NCOR2: variants seen among roughly 807,000 people sequenced by gnomAD.
The protein encoded by NCOR2 is CTG repeat protein 26.
In NCOR2, 81 loss-of-function variants were observed where a neutral mutation model predicts 262.9. That is an observed-to-expected ratio of 0.31 (90% CI 0.26 to 0.37). The LOEUF (loss-of-function observed/expected upper bound fraction) is 0.37. NCOR2 is among the 10% of genes least tolerant of loss of function. NCOR2 has a pLI of 1.00. For missense variants in NCOR2, 3,385 were observed against 3,621.4 expected, an observed-to-expected ratio of 0.93 and a Z score of 1.68; for synonymous variants, 1,659 against 1,559.3, an observed-to-expected ratio of 1.06 and a Z score of -1.51.
intron 2 of NCOR2, 185 bp downstream of exon 4, chr12:124,486,256 C>T: frequency 3.5e-6 from 3 of 869,100 alleles, no homozygotes; most frequent in Non-Finnish European, 5.0e-6. Flanking sequence ...GGCCACGTGG[C>T]TCTTCCCTGC....
chr12:124,493,092 C>T (rs2048180861), intron 1 of NCOR2, among the ~76,000 whole-genome samples: 1 of 152,246 alleles, frequency 6.6e-6, no homozygotes, highest in Admixed American at 6.5e-5. Flanking sequence ...TGGCCCTGTC[C>T]ACCCACATCC....
rs1054931721 is a variant in NCOR2, at chr12:124,443,377, G to A, written c.816-5381C>T. ...CCACCCAGAGACATCCACGTACCAC[G>A]CAAGAGGACACGTCAAGTCTGCAAA... is the stretch of plus-strand genomic sequence containing the variant. On this transcript the variant is annotated intron_variant, in intron 7 of 46. Coordinates refer to ENST00000405201, the Ensembl canonical transcript of NCOR2. The surrounding 1 kb of genome is among the most constrained non-coding windows in gnomAD (Gnocchi z 4.4). 6.6e-6 allele frequency among the ~76,000 whole-genome samples: 1 copy of A among 152,218 alleles called. No individual in the cohort carries two copies. Among genetic ancestry groups the A allele is most frequent in the African/African-American group, 2.4e-5 (1 of 41,454 alleles).
At chr12:124,441,335 G>A (rs1290281173) in intron 7 of NCOR2, among the ~76,000 whole-genome samples, 1 of 152,206 alleles carries the variant, frequency 6.6e-6, no homozygotes, top group East Asian at 1.9e-4. Flanking sequence ...CTGGAACAAT[G>A]TGAGTGACAA....
chr12:124,396,249 C>T (rs771280137), intron 16 of NCOR2, among the ~76,000 whole-genome samples: 4 of 152,160 alleles, frequency 2.6e-5, no homozygotes, highest in Non-Finnish European at 5.9e-5. Context: ...AGTTCTGGAA[C>T]TAGGCAGTGG....
chr12:124,397,099 G>T (rs1442474674), intron 16 of NCOR2, among the ~76,000 whole-genome samples: 2 of 152,192 alleles, frequency 1.3e-5, no homozygotes, highest in Non-Finnish European at 1.5e-5. Context: ...CCCACAAACA[G>T]GGACATGGGC....
rs78404451 is a variant in NCOR2 at position 124,519,037 on chromosome 12, G to C, written c.-118+16528C>G. Among the ~76,000 whole-genome samples the C allele has an allele frequency of 0.013, 1,952 of 149,562 alleles. 132 individuals carry two copies. In the East Asian group the frequency reaches 0.19, roughly 15 times the overall value. Reference sequence around the variant, plus strand: ...CGTGACCCCCTCACACTGGCATTCTGATCTGGGGTCATCTCGGTGACAGGC... The same window carrying C: ...CGTGACCCCCTCACACTGGCATTCTCATCTGGGGTCATCTCGGTGACAGGC... On this transcript the variant is annotated intron_variant, in intron 1 of 46. Transcript: ENST00000404621.
intron 27 of NCOR2, among the ~76,000 whole-genome samples, chr12:124,351,496 A>C (rs568507223): frequency 6.6e-6 from 1 of 152,222 alleles, no homozygotes; most frequent in East Asian, 1.9e-4. Context: ...GACAATCGAA[A>C]ATGTCCCTAG....
intron 12 of NCOR2, among the ~76,000 whole-genome samples, chr12:124,420,555 CCGCCCCACGCCCCA>C (rs947953652): frequency 6.6e-6 from 1 of 152,162 alleles, no homozygotes; most frequent in East Asian, 1.9e-4. Flanking sequence ...TGCATCGGGA[CCGCCCCACGCCCCA>C]CGCCCCACGC....
At chr12:124,385,393 G>A (rs1053742049) in intron 17 of NCOR2, among the ~76,000 whole-genome samples, 1 of 152,318 alleles carries the variant, frequency 6.6e-6, no homozygotes, top group Non-Finnish European at 1.5e-5. Flanking sequence ...CGCGCTGACA[G>A]CCCGAATTCC....
In NCOR2 at chr12:124,346,551, C is replaced by A; in HGVS notation, c.4359+13G>T. On this transcript the variant is annotated intron_variant, in intron 31 of 46. Transcript: ENST00000405201. ...CCTAGAACTGGGCCCGTGTGCCTGG[C>A]CCTGGGCCATACCTGCGTGATGGAG... 6.6e-7 allele frequency: 1 copy of A among 1,522,524 alleles called. No individual in the cohort carries two copies. Among genetic ancestry groups the A allele is most frequent in the Non-Finnish European group, 8.8e-7 (1 of 1,139,700 alleles). The allele number at this position is 1,522,524 out of a possible 1,614,324, so 94.3% of individuals were successfully genotyped here. A position where few individuals can be genotyped will look rare whatever the true frequency, so the allele number is the denominator to read the frequency against.
exon 17 of NCOR2, chr12:124,385,847 C>T: frequency 1.2e-6 from 2 of 1,613,896 alleles, no homozygotes; most frequent in Middle Eastern, 1.7e-4. Context: ...AGCCCACCAT[C>T]CGGGCGATGG....
At chr12:124,525,991 C>T (rs567915217) in intron 1 of NCOR2, among the ~76,000 whole-genome samples, 3 of 152,204 alleles carry the variant, frequency 2.0e-5, no homozygotes, top group Non-Finnish European at 2.9e-5. Flanking sequence ...ATACTGGCAA[C>T]TCACACACAG....
At chr12:124,380,681 G>A (rs563600660) in intron 17 of NCOR2, among the ~76,000 whole-genome samples, 11 of 152,134 alleles carry the variant, frequency 7.2e-5, no homozygotes, top group Non-Finnish European at 1.5e-4. Flanking sequence ...CTGCCCGGGC[G>A]GTGGCTGGGA....
rs551875415 is a variant in NCOR2 at position 124,454,499 on chromosome 12, C to T, written c.762+2607G>A. 7.2e-5 allele frequency among the ~76,000 whole-genome samples: 11 copies of T among 152,290 alleles called. No homozygotes were observed. The highest frequency in any genetic ancestry group is 2.1e-4 in the South Asian group (1 of 4,828). ...ACCCCCATCTGCCCACAGACTCCCACGGACAGGGGCTTCCTCGCCTGTGTT... is the reference window on the plus strand; with the variant it reads ...ACCCCCATCTGCCCACAGACTCCCATGGACAGGGGCTTCCTCGCCTGTGTT... On this transcript the variant is annotated intron_variant, in intron 6 of 46. Transcript: ENST00000405201. This position sits in a 1 kb window ranked among gnomAD's most constrained non-coding sequence, Gnocchi z 5.6.
Position 124,362,121 on chromosome 12 carries a change from C to T in NCOR2, c.3100+5G>A. 5 of 1,298,416 alleles carry T rather than the reference C, an allele frequency of 3.9e-6. No homozygotes were observed. The highest frequency in any genetic ancestry group is 4.9e-6 in the Non-Finnish European group (5 of 1,023,680). The allele number at this position is 1,298,416 out of a possible 1,614,324, so 80.4% of individuals were successfully genotyped here. On this transcript the variant is annotated splice_donor_5th_base_variant and intron_variant, in intron 22 of 46. Coordinates refer to ENST00000405201, the Ensembl canonical transcript of NCOR2. The stretch of plus-strand genomic sequence containing the variant: ...AGCCCCACTCAGCCACTGGTGTGCA[C>T]TCACCCTCCTTGTCGGCGGGGGGTG...
chr12:124,446,681 C>A (rs1468132059), intron 7 of NCOR2, among the ~76,000 whole-genome samples: 1 of 152,020 alleles, frequency 6.6e-6, no homozygotes, highest in Non-Finnish European at 1.5e-5. Context: ...ACCCCACTTA[C>A]CAGAGTAATA....
chr12:124,344,206 A>G (rs888259964), intron 32 of NCOR2, among the ~76,000 whole-genome samples: 5 of 152,250 alleles, frequency 3.3e-5, no homozygotes, highest in Non-Finnish European at 5.9e-5. Flanking sequence ...ATCCGGCTGA[A>G]TGAGAGGCAG....
intron 13 of NCOR2, among the ~76,000 whole-genome samples, chr12:124,414,724 T>C (rs2042765887): frequency 6.6e-6 from 1 of 152,166 alleles, no homozygotes; most frequent in African/African-American, 2.4e-5. Context: ...GTGGGCACCC[T>C]ACCCCTGAGG....
At chr12:124,429,336 C>T in intron 10 of NCOR2, 1 of 484,850 alleles carries the variant, frequency 2.1e-6, no homozygotes, top group African/African-American at 2.0e-5. Context: ...TCCCCCAACC[C>T]CCTCCCTGTT....
Sources: allele counts gnomAD v4.1 joint callset (sites outside exome capture counted in the v4.1 genomes callset), GRCh38; gene constraint gnomAD v4.1.1; non-coding constraint Gnocchi (gnomAD v3.1); transcripts MANE v1.5; gene names NCBI Gene and HGNC (gene_info 2026-07-23, HGNC 2026-07-21).